The following KIF2C variants were observed in gnomAD, a reference collection of about 807,000 sequenced individuals.
KIF2C encodes the protein kinesin family member 2C.
KIF2C carries 34 observed loss-of-function variants against 97.4 expected under a neutral mutation model. That is an observed-to-expected ratio of 0.35 (90% CI 0.27 to 0.46). KIF2C has a LOEUF of 0.46. Ranked by LOEUF, KIF2C falls within the 20% of genes least tolerant of loss-of-function variation. The probability of loss-of-function intolerance (pLI) is 1.00; values close to 1 mark genes in which losing one functional copy is unlikely to be tolerated. For missense variants in KIF2C, 750 were observed against 907.6 expected, an observed-to-expected ratio of 0.83 and a Z score of 2.23; for synonymous variants, 313 against 318.2, an observed-to-expected ratio of 0.98 and a Z score of 0.17.
Position 44,753,958 on chromosome 1 carries a change from C to CTTTTTTTT in KIF2C, c.663+145_663+152dup, listed in dbSNP as rs34685023. On this transcript the variant is annotated intron_variant, in intron 7 of 20. Transcript: ENST00000372224. The stretch of plus-strand genomic sequence containing the variant: ...GGCTCCAGTTCTTGAGGCCCCAATT[C>CTTTTTTTT]TTTTTTTTTTTTTTTTTTTTTTTTT... The CTTTTTTTT allele has an allele frequency of 6.8e-3, 464 of 67,904 alleles. 64 individuals are homozygous for CTTTTTTTT. Among genetic ancestry groups the CTTTTTTTT allele is most frequent in the East Asian group, 0.022 (56 of 2,548 alleles). The allele number at this position is 67,904 out of a possible 1,614,324, so 4.2% of individuals were successfully genotyped here.
intron 2 of KIF2C, among the ~76,000 whole-genome samples, chr1:44,747,022 G>T (rs1428470158): frequency 6.6e-6 from 1 of 151,560 alleles, no homozygotes; most frequent in Non-Finnish European, 1.5e-5. Context: ...CTCAGCCTCG[G>T]GGGGGCCAGG....
chr1:44,741,101 G>A (rs968766927), intron 2 of KIF2C, 94 bp downstream of exon 2: 1 of 950,110 alleles, frequency 1.1e-6, no homozygotes, highest in East Asian at 2.7e-5. Context: ...AGTTTCTGAT[G>A]CTGTGCTCTT....
intron 19 of KIF2C, among the ~76,000 whole-genome samples, chr1:44,763,516 G>GCTGTGGACAGGTCAACAGGGAT (rs1650277696): frequency 6.6e-6 from 1 of 152,138 alleles, no homozygotes; most frequent in South Asian, 2.1e-4. Flanking sequence ...GGTAGTTAAG[G>GCTGTGGACAGGTCAACAGGGAT]CTGTGGACAG....
intron 2 of KIF2C, among the ~76,000 whole-genome samples, chr1:44,742,132 CAG>C (rs530866692): frequency 1.1e-3 from 163 of 151,432 alleles, no homozygotes; most frequent in African/African-American, 3.2e-3. Flanking sequence ...TGTTTTGAGA[CAG>C]AGTCTCACTC....
intron 10 of KIF2C, 93 bp from the exon 11 acceptor site, chr1:44,757,463 A>C (rs1160863773): frequency 1.2e-6 from 1 of 815,582 alleles, no homozygotes; most frequent in East Asian, 2.4e-5. Flanking sequence ...AGAAGGAGGA[A>C]TCGACCCTAG....
At chr1:44,757,209 G>A (rs938942602) in intron 10 of KIF2C, among the ~76,000 whole-genome samples, 5 of 152,280 alleles carry the variant, frequency 3.3e-5, no homozygotes, top group Admixed American at 2.0e-4. Context: ...GAGCCACTGT[G>A]CCCAGCCAGT....
At position 44,759,297 on chromosome 1, in the gene KIF2C, T is replaced by A. The variant is rs1237891697; in HGVS notation, c.1316T>A (p.Val439Asp). 6.2e-7 allele frequency: 1 copy of A among 1,614,184 alleles called. No individual in the cohort carries two copies. The highest frequency in any genetic ancestry group is 8.5e-7 in the Non-Finnish European group (1 of 1,180,026). ...GTGGTGGGGCTGCAGGAGCATCTGG[T>A]TAACTCTGCTGATGATGTCATCAAG... ...VQVVGLQEHL[V>D]NSADDVIKMI... The change falls in exon 14 of 21, where the codon GTT becomes GAT. Residue 439 changes from valine to aspartate, a missense_variant. By Grantham distance (152) the Val-to-Asp change is radical (BLOSUM62 -3). Coordinates refer to ENST00000372224, the MANE Select transcript of KIF2C (RefSeq NM_006845.4).
At position 44,750,565 on chromosome 1, in the gene KIF2C, G is replaced by A. The variant is rs1445956653; in HGVS notation, c.439+1G>A. On this transcript the variant is annotated splice_donor_variant, in intron 5 of 20. Transcript: ENST00000372224. LOFTEE classifies it high-confidence loss of function. ...TCCCGCAAGCAGTTTTCAGTTCCTCGTGAGTAACGAATGTGCCCCCAACCA... is the reference window on the plus strand; with the variant it reads ...TCCCGCAAGCAGTTTTCAGTTCCTCATGAGTAACGAATGTGCCCCCAACCA... 2 of 1,539,808 alleles carry A rather than the reference G, an allele frequency of 1.3e-6. No homozygotes were observed. The highest frequency in any genetic ancestry group is 1.8e-6 in the Non-Finnish European group (2 of 1,137,008).
chr1:44,750,399 G>A (rs1037883008), intron 4 of KIF2C, 43 bp from the exon 5 acceptor site: 11 of 1,334,106 alleles, frequency 8.2e-6, no homozygotes, highest in Middle Eastern at 4.9e-4. Flanking sequence ...GACCACCCTC[G>A]AGATCGTGCA....
intron 2 of KIF2C, among the ~76,000 whole-genome samples, chr1:44,741,972 G>A (rs1648954394): frequency 7.3e-6 from 1 of 136,544 alleles, no homozygotes; most frequent in Non-Finnish European, 1.5e-5. Flanking sequence ...CCAGCCTCCT[G>A]GGCAACAGAA....
Position 44,758,133 on chromosome 1 carries a change from A to T in KIF2C, c.1217A>T (p.Asn406Ile), listed in dbSNP as rs749355871. The change falls in exon 13 of 21, where the codon AAT becomes ATT. Residue 406 changes from asparagine to isoleucine, a missense_variant. Asn to Ile is a moderately radical substitution (Grantham distance 149, BLOSUM62 -3). Coordinates refer to ENST00000372224, the MANE Select transcript of KIF2C (RefSeq NM_006845.4). ...TATGTGACATTCTTCGAGATCTACAATGGGAAGGTAGCTGGCAGGAAGCCC... is the reference window on the plus strand; with the variant it reads ...TATGTGACATTCTTCGAGATCTACATTGGGAAGGTAGCTGGCAGGAAGCCC... ...EVYVTFFEIY[N>I]GKLFDLLNKK... 3.8e-6 allele frequency: 6 copies of T among 1,590,058 alleles called. No homozygotes were observed. The highest frequency in any genetic ancestry group is 2.8e-5 in the African/African-American group (2 of 70,580).
chr1:44,746,686 C>T (rs1649212766), intron 2 of KIF2C: 6 of 1,592,452 alleles, frequency 3.8e-6, no homozygotes, highest in Non-Finnish European at 4.3e-6. Flanking sequence ...CCTGTCTGCC[C>T]TCCTCTTCAC....
At chr1:44,759,160 G>T in intron 13 of KIF2C, 46 bp from the exon 14 acceptor site, 1 of 1,610,600 alleles carries the variant, frequency 6.2e-7, no homozygotes, top group Non-Finnish European at 8.5e-7. Context: ...CGGGTGGGGT[G>T]CCGGGTGCCC....
In KIF2C at chr1:44,760,538, G is replaced by A; in HGVS notation, c.1572+54G>A. ...GGGAGAGCTACTGGGAAGGGATGGG[G>A]AGGGATCAGTGCAAGGAAAGAAGGG... On this transcript the variant is annotated intron_variant, in intron 15 of 20. Transcript: ENST00000372224. This position sits in a 1 kb window ranked among gnomAD's most constrained non-coding sequence, Gnocchi z 4.2. The A allele has an allele frequency of 6.2e-7, 1 of 1,611,736 alleles. No homozygotes were observed. Among genetic ancestry groups the A allele is most frequent in the Non-Finnish European group, 8.5e-7 (1 of 1,178,480 alleles).
chr1:44,742,296 A>G (rs1475608809), intron 2 of KIF2C, among the ~76,000 whole-genome samples: 1 of 151,844 alleles, frequency 6.6e-6, no homozygotes, highest in East Asian at 2.0e-4. Context: ...TTTTTAGTAG[A>G]GATGGGGTTT....
Position 44,739,866 on chromosome 1 carries a change from C to A in KIF2C, c.-67C>A. The stretch of plus-strand genomic sequence containing the variant: ...TGCGGCGGTTTACGCGGCGTTAAGA[C>A]TTCGTAGGGTTAGCGAAATTGAGGT... On this transcript the variant is annotated 5_prime_UTR_variant, in exon 1 of 21. Coordinates refer to ENST00000372224, the MANE Select transcript of KIF2C (RefSeq NM_006845.4). 1 of 1,457,912 alleles carries A rather than the reference C, an allele frequency of 6.9e-7. No homozygotes were observed. Among genetic ancestry groups the A allele is most frequent in the Non-Finnish European group, 9.6e-7 (1 of 1,037,844 alleles). The allele number at this position is 1,457,912 out of a possible 1,614,324, so 90.3% of individuals were successfully genotyped here. A position where few individuals can be genotyped will look rare whatever the true frequency, so the allele number is the denominator to read the frequency against.
intron 19 of KIF2C, 108 bp downstream of exon 19, chr1:44,762,766 G>C (rs918773433): frequency 2.9e-6 from 2 of 699,756 alleles, no homozygotes; most frequent in Non-Finnish European, 5.1e-6. Context: ...TATTCACATA[G>C]CAAGAAGCAG....
Position 44,758,097 on chromosome 1 carries a change from G to C in KIF2C, c.1181G>C (p.Gly394Ala), listed in dbSNP as rs763762650. The stretch of plus-strand genomic sequence containing the variant: ...AATCAACCCTGCTACCGGAAGTTGG[G>C]CCTGGAAGTCTATGTGACATTCTTC... ...LKNQPCYRKLGLEVYVTFFEI... is the reference protein window; with the variant it reads ...LKNQPCYRKLALEVYVTFFEI... Residue 394 changes from glycine (G) to alanine (A), a missense_variant, in exon 13 of 21, where the codon GGC (glycine) becomes GCC (alanine). Coordinates refer to ENST00000372224, the MANE Select transcript of KIF2C (RefSeq NM_006845.4). The C allele has an allele frequency of 6.2e-7, 1 of 1,614,062 alleles. No homozygotes were observed. Among genetic ancestry groups the C allele is most frequent in the Non-Finnish European group, 8.5e-7 (1 of 1,179,996 alleles).
In KIF2C at chr1:44,752,412, G is replaced by T. The variant is rs188191501; in HGVS notation, c.440-720G>T. 4.7e-3 allele frequency among the ~76,000 whole-genome samples: 722 copies of T among 152,188 alleles called. 4 individuals are homozygous for T. The highest frequency in any genetic ancestry group is 7.1e-3 in the East Asian group (37 of 5,186). On this transcript the variant is annotated intron_variant, in intron 5 of 20. Transcript: ENST00000372224. ...GCCTCCCAAAGTGCTGGGATTACAG[G>T]CGTGAGCCACCGTGCCCGGCTATAA... is the stretch of plus-strand genomic sequence containing the variant.
Sources: gnomAD v4.1 joint callset for allele counts (sites outside exome capture counted in the v4.1 genomes callset) on GRCh38, gnomAD v4.1.1 for gene constraint, Gnocchi (gnomAD v3.1) non-coding constraint, MANE v1.5 for transcripts, NCBI Gene and HGNC (gene_info 2026-07-23, HGNC 2026-07-21) for gene names.